Variants in COL19A1 observed in about 807,000 individuals in gnomAD.
COL19A1 encodes collagen type XIX alpha 1 chain, also known as collagen alpha-1(XIX) chain.
In COL19A1, 159 loss-of-function variants were observed where a neutral mutation model predicts 190.2. That is an observed-to-expected ratio of 0.84 (90% CI 0.73 to 0.95). COL19A1 has a LOEUF of 0.95. Ranked by LOEUF, COL19A1 falls within the 40% of genes least tolerant of loss-of-function variation. The pLI is 0.00. For synonymous variants in COL19A1, 509 were observed against 458.9 expected, an observed-to-expected ratio of 1.11 and a Z score of -1.39; for missense variants, 1,418 against 1,431.9, an observed-to-expected ratio of 0.99 and a Z score of 0.16.
Position 69,936,702 on chromosome 6 carries a change from C to A in COL19A1, c.748-83C>A, listed in dbSNP as rs1025736494. 7.8e-6 allele frequency: 12 copies of A among 1,540,916 alleles called. No homozygotes were observed. In the African/African-American group the frequency reaches 1.6e-4, roughly 21 times the overall value. On this transcript the variant is annotated intron_variant, in intron 7 of 50. Transcript: ENST00000620364. ...GTTCTTGCAGGCAACCTCAGCAATCCCTAGTTTAGTGGGAGCCAGTGTTTG... is the reference window on the plus strand; with the variant it reads ...GTTCTTGCAGGCAACCTCAGCAATCACTAGTTTAGTGGGAGCCAGTGTTTG...
At chr6:69,882,438 A>G (rs903452726) in intron 2 of COL19A1, among the ~76,000 whole-genome samples, 2 of 152,336 alleles carry the variant, frequency 1.3e-5, no homozygotes, top group East Asian at 1.9e-4. Context: ...TAAAATATAT[A>G]CAATGCTAGA....
intron 16 of COL19A1, among the ~76,000 whole-genome samples, chr6:70,106,986 G>A (rs1231604657): frequency 1.3e-5 from 2 of 152,212 alleles, no homozygotes; most frequent in Admixed American, 6.6e-5. Context: ...ACCATCACGA[G>A]CTCTGCATTA....
intron 16 of COL19A1, among the ~76,000 whole-genome samples, chr6:70,104,256 T>C (rs1783815176): frequency 6.6e-6 from 1 of 152,112 alleles, no homozygotes; most frequent in Non-Finnish European, 1.5e-5. Flanking sequence ...GGGTAACTTA[T>C]AAAGAAAAGA....
intron 35 of COL19A1, among the ~76,000 whole-genome samples, chr6:70,162,334 A>G (rs1271969332): frequency 6.6e-6 from 1 of 152,084 alleles, no homozygotes; most frequent in Non-Finnish European, 1.5e-5. Flanking sequence ...AAAGTGTGCT[A>G]AGGATTATCA....
Position 69,927,976 on chromosome 6 carries a change from GC to G in COL19A1, c.336del (p.Lys114ArgfsTer10). ...TGCCATGTTTCGAGTACGAAGAAAC[GC>G]CAAAAAGGAACGGTGGTTTCTGTGG... ...VAAMFRVRRN[A>X]KKERWFLWQV... On this transcript the variant is annotated frameshift_variant, in exon 5 of 51. Transcript: ENST00000620364. LOFTEE classifies it high-confidence loss of function. The G allele has an allele frequency of 1.2e-6, 2 of 1,613,220 alleles. No individual in the cohort carries two copies. The highest frequency in any genetic ancestry group is 1.7e-6 in the Non-Finnish European group (2 of 1,179,466).
intron 21 of COL19A1, 45 bp downstream of exon 21, chr6:70,141,973 A>G: frequency 6.2e-7 from 1 of 1,610,124 alleles, no homozygotes; most frequent in Non-Finnish European, 8.5e-7. Flanking sequence ...CCTTAATGAG[A>G]TTATGAAAAT....
intron 4 of COL19A1, among the ~76,000 whole-genome samples, chr6:69,914,757 C>T (rs1222153829): frequency 6.6e-6 from 1 of 152,160 alleles, no homozygotes; most frequent in Non-Finnish European, 1.5e-5. Flanking sequence ...TGAAGAATTA[C>T]CTCCGGAACC....
chr6:70,173,451 G>A (rs560579925), intron 41 of COL19A1, among the ~76,000 whole-genome samples: 25 of 152,296 alleles, frequency 1.6e-4, no homozygotes, highest in African/African-American at 4.6e-4. Flanking sequence ...AGTAACCAGC[G>A]AGGTAGGAGG....
intron 15 of COL19A1, among the ~76,000 whole-genome samples, chr6:70,075,378 C>CT (rs1393588959): frequency 6.6e-6 from 1 of 152,104 alleles, no homozygotes; most frequent in Admixed American, 6.5e-5. Context: ...TTGGTGTCTC[C>CT]TAAAATTGGA....
At chr6:69,872,037 G>A (rs550326321) in intron 1 of COL19A1, among the ~76,000 whole-genome samples, 2 of 152,168 alleles carry the variant, frequency 1.3e-5, no homozygotes, top group African/African-American at 4.8e-5. Context: ...GACTTGTCTC[G>A]AACTCCTGAC....
intron 15 of COL19A1, among the ~76,000 whole-genome samples, chr6:70,085,385 G>C (rs1187848426): frequency 6.6e-6 from 1 of 152,180 alleles, no homozygotes; most frequent in African/African-American, 2.4e-5. Context: ...CATTAAGCCA[G>C]TTAGCACTGT....
In COL19A1 at chr6:70,008,550, T is replaced by C. The variant is rs559299025; in HGVS notation, c.1027-15077T>C. Among the ~76,000 whole-genome samples the C allele has an allele frequency of 4.3e-4, 66 of 152,080 alleles. 1 individual carries two copies. The South Asian group carries it at 0.013, about 30-fold the overall frequency. On this transcript the variant is annotated intron_variant, in intron 11 of 50. Transcript: ENST00000620364. ...TGTATACATTGTAATAGTTAAAATC[T>C]TGCTATTAAAAAAAGCTTAGATTCA...
At chr6:69,899,537 C>T (rs1325882222) in intron 3 of COL19A1, among the ~76,000 whole-genome samples, 2 of 151,776 alleles carry the variant, frequency 1.3e-5, no homozygotes, top group African/African-American at 4.8e-5. Context: ...ATACCTCAAC[C>T]TCTTGGAGAA....
At chr6:69,950,803 C>T (rs948141120) in intron 9 of COL19A1, among the ~76,000 whole-genome samples, 1 of 151,412 alleles carries the variant, frequency 6.6e-6, no homozygotes, top group Non-Finnish European at 1.5e-5. Context: ...CACTTTGCCC[C>T]CAAATATAAC....
At position 69,986,222 on chromosome 6, in the gene COL19A1, TA is replaced by T. The variant is rs1431979444; in HGVS notation, c.1026+23353del. Among the ~76,000 whole-genome samples, 25 of 5,734 alleles carry T rather than the reference TA, an allele frequency of 4.4e-3. 1 individual carries two copies. Among genetic ancestry groups the T allele is most frequent in the East Asian group, 0.14 (2 of 14 alleles). The allele number at this position is 5,734 out of a possible 152,430, so 3.8% of individuals were successfully genotyped here. On this transcript the variant is annotated intron_variant, in intron 11 of 50. Transcript: ENST00000620364. The stretch of plus-strand genomic sequence containing the variant: ...AAAATGTTAAATGACTTACACGTTT[TA>T]TATATATATATATATATATATATAT...
chr6:69,943,233 A>C (rs1016535829), intron 9 of COL19A1, among the ~76,000 whole-genome samples: 16 of 151,982 alleles, frequency 1.1e-4, no homozygotes, highest in Admixed American at 2.6e-4. Flanking sequence ...CCCATTTTAA[A>C]ATCAGATTAT....
intron 27 of COL19A1, among the ~76,000 whole-genome samples, chr6:70,147,092 C>T (rs1786708587): frequency 6.6e-6 from 1 of 152,278 alleles, no homozygotes; most frequent in East Asian, 1.9e-4. Context: ...CTTACAGATG[C>T]TGGTCACACA....
chr6:70,108,898 A>G (rs980045821), intron 16 of COL19A1, among the ~76,000 whole-genome samples: 2 of 152,156 alleles, frequency 1.3e-5, no homozygotes, highest in Admixed American at 1.3e-4. Flanking sequence ...GAAAGTTACA[A>G]TTATACATCA....
At chr6:70,009,860 C>T (rs1777880608) in intron 11 of COL19A1, among the ~76,000 whole-genome samples, 1 of 139,016 alleles carries the variant, frequency 7.2e-6, no homozygotes, top group South Asian at 2.2e-4. Context: ...TTCAACAACC[C>T]TTTTATATGG....
Sources: allele counts gnomAD v4.1 joint callset (sites outside exome capture counted in the v4.1 genomes callset), GRCh38; gene constraint gnomAD v4.1.1; transcripts MANE v1.5; gene names NCBI Gene and HGNC (gene_info 2026-07-23, HGNC 2026-07-21).